TTC34: variants seen among roughly 807,000 people sequenced by gnomAD.
The protein encoded by TTC34 is tetratricopeptide repeat domain 34.
A neutral mutation model predicts 40.7 loss-of-function variants in TTC34; 44 were observed. The observed-to-expected ratio is 1.08, with a 90% confidence interval of 0.85 to 1.39. TTC34 has a LOEUF of 1.39. Ranked by LOEUF, TTC34 falls within the 40% of genes most tolerant of loss-of-function variation. The pLI, the probability that TTC34 is intolerant of heterozygous loss-of-function variation, is 0.00. For synonymous variants in TTC34, 422 were observed against 398.6 expected (o/e 1.06, Z -0.70); for missense variants, 884 against 838.0 (o/e 1.05, Z -0.68).
chr1:2,789,930 C>A, exon 3 of TTC34: 1 of 394,552 alleles, frequency 2.5e-6, no homozygotes, highest in Non-Finnish European at 4.5e-6. Context: ...TCAGGGCGTG[C>A]GGGCCGCAGC....
intron 6 of TTC34, among the ~76,000 whole-genome samples, chr1:2,658,641 G>T (rs1639438633): frequency 1.3e-5 from 1 of 76,682 alleles, no homozygotes; most frequent in African/African-American, 3.9e-5. Flanking sequence ...ATGAGCATCT[G>T]ACAGCCTGGA....
chr1:2,692,544 C>T (rs1245141722), intron 6 of TTC34, among the ~76,000 whole-genome samples: 457 of 42,918 alleles, frequency 0.011, no homozygotes, highest in South Asian at 0.015. Context: ...AGCACCCACA[C>T]CCCCAGGCGA....
intron 5 of TTC34, 77 bp downstream of exon 5, chr1:2,785,742 C>T (rs1199818691): frequency 1.4e-6 from 2 of 1,453,012 alleles, no homozygotes; most frequent in East Asian, 2.6e-5. Context: ...TCCCCACCAA[C>T]CAGCATGGCA....
At chr1:2,754,703 A>C (rs1302619253) in intron 6 of TTC34, among the ~76,000 whole-genome samples, 8 of 134,400 alleles carry the variant, frequency 6.0e-5, no homozygotes, top group Non-Finnish European at 1.1e-4. Context: ...CCACACCTCC[A>C]GGCGAGCATC....
chr1:2,699,229 C>CAG (rs1641014209), intron 6 of TTC34, among the ~76,000 whole-genome samples: 1 of 142,850 alleles, frequency 7.0e-6, no homozygotes, highest in Non-Finnish European at 1.6e-5. Context: ...GAGCATCTGA[C>CAG]CGCCCGGAGC....
At chr1:2,756,234 C>A (rs1271821216) in intron 6 of TTC34, among the ~76,000 whole-genome samples, 2 of 47,582 alleles carry the variant, frequency 4.2e-5, no homozygotes, top group African/African-American at 2.0e-4. Flanking sequence ...CACACCCAGG[C>A]GAGCATCTGA....
At position 2,789,641 on chromosome 1, in the gene TTC34, C is replaced by T. The variant is rs1231619324; in HGVS notation, c.1490G>A (p.Trp497Ter). Residue 497 changes from tryptophan to a stop codon, truncating the protein, a stop_gained, in exon 3 of 9, where the codon TGG (tryptophan) becomes TAG (stop). Transcript: ENST00000401095. LOFTEE classifies it high-confidence loss of function. ...CACCAGCAGCAGCCCCCGCTGGTTC[C>T]AGGGCACGTAGGCCTTGGCGGCCAG... The T allele has an allele frequency of 2.2e-6, 3 of 1,361,468 alleles. No individual in the cohort carries two copies. The highest frequency in any genetic ancestry group is 2.8e-6 in the Non-Finnish European group (3 of 1,060,672). The allele number at this position is 1,361,468 out of a possible 1,614,324, so 84.3% of individuals were successfully genotyped here.
chr1:2,749,980 G>T (rs1342470172), intron 6 of TTC34, among the ~76,000 whole-genome samples: 3 of 30,036 alleles, frequency 1.0e-4, no homozygotes, highest in Admixed American at 8.8e-4. Context: ...GGTGAGCATT[G>T]GACACCCTGG....
chr1:2,777,693 G>GGGA lies in TTC34; in HGVS notation c.2226+5915_2226+5916insTCC, dbSNP rs1553168955. On this transcript the variant is annotated intron_variant, in intron 6 of 8. Transcript: ENST00000401095. ...GGGTGAAGAGGCAGAGGGCATGGGG[G>GGGA]GGGGGGCGCAGCATCAGCCCATATC... is the stretch of plus-strand genomic sequence containing the variant. 2.0e-4 allele frequency among the ~76,000 whole-genome samples: 31 copies of GGGA among 151,940 alleles called. 1 individual carries two copies. The highest frequency in any genetic ancestry group is 7.2e-4 in the African/African-American group (30 of 41,448).
intron 6 of TTC34, among the ~76,000 whole-genome samples, chr1:2,749,520 AGATTCCCAGGCAAGCAT>A (rs1641248901): frequency 1.5e-5 from 1 of 67,464 alleles, no homozygotes; most frequent in Admixed American, 1.5e-4. Context: ...AGCAGCACCC[AGATTCCCAGGCAAGCAT>A]CTGAACGCAA....
At position 2,751,683 on chromosome 1, in the gene TTC34, C is replaced by A. The variant is rs1311404321; in HGVS notation, c.2226+31926G>T. Reference sequence around the variant, plus strand: ...GCATTGGACAGCCTGGATCAGCACCCACAACCCCAAGCGAGCATCCGACAG... The same window carrying A: ...GCATTGGACAGCCTGGATCAGCACCAACAACCCCAAGCGAGCATCCGACAG... On this transcript the variant is annotated intron_variant, in intron 6 of 8. Coordinates refer to ENST00000401095, the Ensembl canonical transcript of TTC34. 8.1e-5 allele frequency among the ~76,000 whole-genome samples: 12 copies of A among 147,534 alleles called. 3 individuals are homozygous for A. Among genetic ancestry groups the A allele is most frequent in the African/African-American group, 3.1e-4 (12 of 39,308 alleles).
chr1:2,749,565 C>A (rs1272054737), intron 6 of TTC34, among the ~76,000 whole-genome samples: 1 of 95,240 alleles, frequency 1.0e-5, no homozygotes. Context: ...CACCCACACC[C>A]CCAGGCGAGC....
intron 4 of TTC34, among the ~76,000 whole-genome samples, chr1:2,786,476 T>C (rs1039586848): frequency 3.9e-5 from 6 of 152,176 alleles, no homozygotes; most frequent in African/African-American, 1.4e-4. Flanking sequence ...AGGGGAGTCG[T>C]GAGCCCGCTC....
At chr1:2,749,008 G>A (rs1641232830) in intron 6 of TTC34, among the ~76,000 whole-genome samples, 1 of 146,456 alleles carries the variant, frequency 6.8e-6, no homozygotes. Flanking sequence ...ACACGCCCAG[G>A]TGAGCATCTG....
At chr1:2,647,180 A>T (rs1230557310) in intron 6 of TTC34, among the ~76,000 whole-genome samples, 2 of 149,642 alleles carry the variant, frequency 1.3e-5, no homozygotes, top group African/African-American at 4.9e-5. Flanking sequence ...CTTCTTGGGA[A>T]TTTTTCTGCT....
At chr1:2,675,160 C>G (rs1168155596) in intron 6 of TTC34, among the ~76,000 whole-genome samples, 150 of 85,340 alleles carry the variant, frequency 1.8e-3, no homozygotes, top group African/African-American at 3.4e-3. Context: ...AGCACCCACA[C>G]CCCCAGGGGA....
chr1:2,688,021 C>G (rs1396892856), intron 6 of TTC34, among the ~76,000 whole-genome samples: 34 of 139,276 alleles, frequency 2.4e-4, no homozygotes, highest in African/African-American at 8.0e-4. Flanking sequence ...AGGCGAGCAT[C>G]TGACTGCATG....
intron 6 of TTC34, among the ~76,000 whole-genome samples, chr1:2,681,045 T>C (rs1275325981): frequency 1.2e-4 from 4 of 34,056 alleles, no homozygotes; most frequent in Admixed American, 3.3e-4. Context: ...CATCGGAGAG[T>C]CAGGAGCAGT....
chr1:2,769,762 G>T (rs1358314669), intron 6 of TTC34, among the ~76,000 whole-genome samples: 8 of 148,920 alleles, frequency 5.4e-5, no homozygotes, highest in Non-Finnish European at 1.2e-4. Context: ...CCCCAGGTGA[G>T]CATCTGACAG....
Sources: allele counts gnomAD v4.1 joint callset (sites outside exome capture counted in the v4.1 genomes callset), GRCh38; gene constraint gnomAD v4.1.1; transcripts MANE v1.5; gene names NCBI Gene and HGNC (gene_info 2026-07-23, HGNC 2026-07-21).